Variants in OTUD7A observed in about 807,000 individuals in gnomAD.
The protein encoded by OTUD7A is OTU deubiquitinase 7A.
A neutral mutation model predicts 65.7 loss-of-function variants in OTUD7A; 12 were observed. The ratio of observed to expected loss-of-function variants is 0.18; its 90% CI spans 0.12 to 0.30. OTUD7A has a LOEUF of 0.30. Among genes scored for constraint, OTUD7A ranks in the 10% least tolerant of loss-of-function variants. The pLI is 1.00. For missense variants in OTUD7A, 1,148 were observed against 1,304.8 expected, an observed-to-expected ratio of 0.88 and a Z score of 1.85; for synonymous variants, 641 against 586.3, an observed-to-expected ratio of 1.09 and a Z score of -1.35.
chr15:31,546,724 A>G (rs1888142708), intron 5 of OTUD7A, among the ~76,000 whole-genome samples: 1 of 152,272 alleles, frequency 6.6e-6, no homozygotes, highest in Non-Finnish European at 1.5e-5. Flanking sequence ...AAAATCCATC[A>G]ATAACATAAT....
At chr15:31,550,798 C>A (rs1488934519) in intron 5 of OTUD7A, among the ~76,000 whole-genome samples, 2 of 152,188 alleles carry the variant, frequency 1.3e-5, no homozygotes, top group East Asian at 3.8e-4. Context: ...AATAGGAATT[C>A]TGTCCATTCA....
chr15:31,513,628 G>A (rs1007098540), intron 8 of OTUD7A, among the ~76,000 whole-genome samples: 1 of 152,210 alleles, frequency 6.6e-6, no homozygotes, highest in Admixed American at 6.5e-5. Context: ...TTTCCTCACA[G>A]TTAGATTGGA....
Position 31,808,144 on chromosome 15 carries a change from T to A in OTUD7A, c.-100+62363A>T, listed in dbSNP as rs1172459113. On this transcript the variant is annotated intron_variant, in intron 1 of 12. Transcript: ENST00000307050. ...ACACACACACACACACACAAACAAA[T>A]CCTCACCAGGTTTTTCCTTCACAAG... 1.8e-4 allele frequency among the ~76,000 whole-genome samples: 9 copies of A among 49,148 alleles called. No homozygotes were observed. The East Asian group carries it at 4.3e-3, about 24-fold the overall frequency. The allele number at this position is 49,148 out of a possible 152,430, so 32.2% of individuals were successfully genotyped here. A position where few individuals can be genotyped will look rare whatever the true frequency, so the allele number is the denominator to read the frequency against.
chr15:31,602,901 C>G (rs1890124212), intron 3 of OTUD7A, among the ~76,000 whole-genome samples: 1 of 152,124 alleles, frequency 6.6e-6, no homozygotes, highest in African/African-American at 2.4e-5. Flanking sequence ...TGAAGGACCT[C>G]TTCAAGGAGA....
intron 1 of OTUD7A, among the ~76,000 whole-genome samples, chr15:31,814,669 A>G (rs1344003334): frequency 6.6e-6 from 1 of 151,964 alleles, no homozygotes; most frequent in African/African-American, 2.4e-5. Flanking sequence ...GACTACAGGC[A>G]TGCACCACCA....
At chr15:31,724,870 C>A (rs1341575934) in intron 1 of OTUD7A, among the ~76,000 whole-genome samples, 1 of 151,010 alleles carries the variant, frequency 6.6e-6, no homozygotes, top group African/African-American at 2.4e-5. Flanking sequence ...AAGCCAGCTA[C>A]AATTAAGTCA....
At position 31,559,045 on chromosome 15, in the gene OTUD7A, C is replaced by T. The variant is rs778526001; in HGVS notation, c.474G>A (p.Val158=). 3.1e-6 allele frequency: 5 copies of T among 1,614,118 alleles called. No homozygotes were observed. In the South Asian group the frequency reaches 5.5e-5, roughly 18 times the overall value. The stretch of plus-strand genomic sequence containing the variant: ...TGAAGCTCCTGAAATCCTCGCTGTA[C>T]ACGCTCAGGTCTGGCAACTGGAATG... ...IYTFQLPDLS[V]YSEDFRSFIE... Residue 158 remains valine, a synonymous_variant, in exon 5 of 13, where the codon GTG becomes GTA. Transcript: ENST00000307050.
chr15:31,566,651 G>C (rs1044598251), intron 4 of OTUD7A, among the ~76,000 whole-genome samples: 1 of 152,176 alleles, frequency 6.6e-6, no homozygotes, highest in African/African-American at 2.4e-5. Context: ...TCTGGTGGGA[G>C]GTGTGTGGAT....
chr15:31,780,488 C>T (rs1009691772), intron 1 of OTUD7A, among the ~76,000 whole-genome samples: 5 of 152,182 alleles, frequency 3.3e-5, no homozygotes, highest in African/African-American at 9.6e-5. Flanking sequence ...CAGGAGCCGG[C>T]GGGAGCTGTG....
chr15:31,773,769 A>G lies in OTUD7A; in HGVS notation c.-100+96738T>C, dbSNP rs150523682. The stretch of plus-strand genomic sequence containing the variant: ...TTTGATGGGTTTAAATATATGAAAT[A>G]CACACACACATTTGCAGTCGACCAA... On this transcript the variant is annotated intron_variant, in intron 1 of 12. Coordinates refer to ENST00000307050, the MANE Select transcript of OTUD7A (RefSeq NM_001382637.1). Among the ~76,000 whole-genome samples the G allele has an allele frequency of 6.9e-3, 1,054 of 152,316 alleles. 13 individuals are homozygous for G. Among genetic ancestry groups the G allele is most frequent in the African/African-American group, 0.024 (1,008 of 41,568 alleles).
intron 3 of OTUD7A, among the ~76,000 whole-genome samples, chr15:31,592,047 T>C (rs1889741200): frequency 6.6e-6 from 1 of 152,122 alleles, no homozygotes; most frequent in South Asian, 2.1e-4. Flanking sequence ...TAAAAAATGG[T>C]ACACCTGCAC....
chr15:31,585,336 G>A (rs1418544192), intron 3 of OTUD7A, among the ~76,000 whole-genome samples: 2 of 152,230 alleles, frequency 1.3e-5, no homozygotes, highest in Non-Finnish European at 2.9e-5. Flanking sequence ...TGCGAGGCGT[G>A]GAAGGCAGCA....
intron 1 of OTUD7A, among the ~76,000 whole-genome samples, chr15:31,861,750 T>C (rs1276327101): frequency 6.6e-6 from 1 of 152,232 alleles, no homozygotes; most frequent in African/African-American, 2.4e-5. Flanking sequence ...AGCCTTTCAA[T>C]GTGCCTACCC....
chr15:31,655,190 T>C lies in OTUD7A; in HGVS notation c.57A>G (p.Leu19=), dbSNP rs756245149. 7.8e-6 allele frequency: 12 copies of C among 1,542,314 alleles called. No individual in the cohort carries two copies. In the East Asian group the frequency reaches 2.8e-4, roughly 36 times the overall value. ...PTSAECWAAL[L]HDPMTLDMDA... is the part of the protein sequence containing the mutation. Reference sequence around the variant, plus strand: ...CCATATCAAGAGTCATAGGATCATGTAGAAGTGCTGCCCAACACTCAGCCG... The same window carrying C: ...CCATATCAAGAGTCATAGGATCATGCAGAAGTGCTGCCCAACACTCAGCCG... Residue 19 remains leucine (L), a synonymous_variant, in exon 3 of 13, where the codon CTA becomes CTG. Coordinates refer to ENST00000307050, the MANE Select transcript of OTUD7A (RefSeq NM_001382637.1).
chr15:31,851,749 T>G (rs1309293488), intron 1 of OTUD7A, among the ~76,000 whole-genome samples: 2 of 152,310 alleles, frequency 1.3e-5, no homozygotes, highest in East Asian at 3.9e-4. Context: ...CAGTTACACA[T>G]CCCCATGATT....
chr15:31,545,531 C>T (rs1226122151), intron 5 of OTUD7A, among the ~76,000 whole-genome samples: 1 of 151,962 alleles, frequency 6.6e-6, no homozygotes, highest in African/African-American at 2.4e-5. Context: ...GGTCCCATAT[C>T]TAGAATGTAT....
intron 1 of OTUD7A, among the ~76,000 whole-genome samples, chr15:31,856,021 G>A (rs1000206937): frequency 3.3e-5 from 5 of 152,190 alleles, no homozygotes; most frequent in African/African-American, 9.6e-5. Context: ...GGGCTGCCAC[G>A]TCAATGGTAA....
At chr15:31,715,345 C>T (rs1284212804) in intron 1 of OTUD7A, among the ~76,000 whole-genome samples, 1 of 143,104 alleles carries the variant, frequency 7.0e-6, no homozygotes. Context: ...GTGCCCCACA[C>T]ACAGCCTGCT....
intron 1 of OTUD7A, among the ~76,000 whole-genome samples, chr15:31,663,105 C>T (rs531386396): frequency 1.0e-4 from 15 of 149,276 alleles, no homozygotes; most frequent in East Asian, 2.0e-4. Context: ...AAATCCTGTC[C>T]GATTTCCTTG....
Sources: allele counts gnomAD v4.1 joint callset (sites outside exome capture counted in the v4.1 genomes callset), GRCh38; gene constraint gnomAD v4.1.1; transcripts MANE v1.5; gene names NCBI Gene and HGNC (gene_info 2026-07-23, HGNC 2026-07-21).